The following CTNNA3 variants were observed in gnomAD, a reference collection of about 807,000 sequenced individuals.
The protein encoded by CTNNA3 is catenin alpha 3.
CTNNA3 carries 76 observed loss-of-function variants against 95.7 expected under a neutral mutation model. The observed-to-expected ratio is 0.79, with a 90% confidence interval of 0.66 to 0.96. The LOEUF (loss-of-function observed/expected upper bound fraction) is 0.96. CTNNA3 is among the 40% of genes least tolerant of loss of function. The pLI is 0.00. For synonymous variants in CTNNA3, 431 were observed against 374.4 expected, an observed-to-expected ratio of 1.15 and a Z score of -1.74; for missense variants, 1,191 against 1,089.8, an observed-to-expected ratio of 1.09 and a Z score of -1.31.
chr10:66,992,391 T>G (rs190939728), intron 7 of CTNNA3, among the ~76,000 whole-genome samples: 1 of 152,238 alleles, frequency 6.6e-6, no homozygotes, highest in East Asian at 1.9e-4. Flanking sequence ...CTTTTCCTAT[T>G]ATTCTTCCTC....
intron 7 of CTNNA3, among the ~76,000 whole-genome samples, chr10:67,142,259 T>C (rs1160787422): frequency 6.6e-6 from 1 of 152,196 alleles, no homozygotes; most frequent in Non-Finnish European, 1.5e-5. Flanking sequence ...TTTTAGAAAG[T>C]AGAACATAGT....
At chr10:67,729,896 TA>T (rs944105731) in intron 1 of CTNNA3, among the ~76,000 whole-genome samples, 3 of 152,004 alleles carry the variant, frequency 2.0e-5, no homozygotes, top group Non-Finnish European at 2.9e-5. Context: ...TATGTAAAAA[TA>T]AAAAATAATG....
At position 67,291,249 on chromosome 10, in the gene CTNNA3, C is replaced by G. The variant is rs12573447; in HGVS notation, c.580-71379G>C. On this transcript the variant is annotated intron_variant, in intron 5 of 17. Coordinates refer to ENST00000433211, the MANE Select transcript of CTNNA3 (RefSeq NM_013266.4). Reference sequence around the variant, plus strand: ...GCTTGGGACGTGGTGAGCTCCCAAACTATGCTAGCTATGGTAAATAAAAAT... The same window carrying G: ...GCTTGGGACGTGGTGAGCTCCCAAAGTATGCTAGCTATGGTAAATAAAAAT... Among the ~76,000 whole-genome samples, 4 of 152,038 alleles carry G rather than the reference C, an allele frequency of 2.6e-5. No homozygotes were observed. In the East Asian group the frequency reaches 7.7e-4, roughly 29 times the overall value.
intron 11 of CTNNA3, among the ~76,000 whole-genome samples, chr10:66,452,214 A>G (rs2093469023): frequency 6.6e-6 from 1 of 152,172 alleles, no homozygotes; most frequent in African/African-American, 2.4e-5. Flanking sequence ...TGCAATTGGC[A>G]TTCTTTATAT....
chr10:67,666,937 A>G (rs965942420), intron 1 of CTNNA3, among the ~76,000 whole-genome samples: 1 of 152,166 alleles, frequency 6.6e-6, no homozygotes, highest in African/African-American at 2.4e-5. Flanking sequence ...ATCATCAGAA[A>G]GACTTCCCAC....
intron 7 of CTNNA3, among the ~76,000 whole-genome samples, chr10:66,782,357 C>T (rs1840569801): frequency 6.6e-6 from 1 of 152,092 alleles, no homozygotes; most frequent in Non-Finnish European, 1.5e-5. Flanking sequence ...TTTCCCTGTG[C>T]TTTTTCAAAC....
intron 9 of CTNNA3, among the ~76,000 whole-genome samples, chr10:66,682,447 T>G (rs4990413): frequency 0.55 from 83,526 of 151,206 alleles, 23,757 homozygotes; most frequent in African/African-American, 0.68. Flanking sequence ...GGCTACAGAT[T>G]AAAATATGGA....
At chr10:66,038,048 T>C (rs1307819295) in intron 15 of CTNNA3, among the ~76,000 whole-genome samples, 1 of 152,184 alleles carries the variant, frequency 6.6e-6, no homozygotes, top group Non-Finnish European at 1.5e-5. Flanking sequence ...AAAAATAACA[T>C]CATTGTCTGT....
intron 9 of CTNNA3, among the ~76,000 whole-genome samples, chr10:66,695,243 T>C (rs1254856047): frequency 6.6e-6 from 1 of 152,162 alleles, no homozygotes; most frequent in African/African-American, 2.4e-5. Context: ...ACAGGCATGT[T>C]TGCCTCCTGA....
chr10:66,502,865 T>C (rs1048864864), intron 11 of CTNNA3, among the ~76,000 whole-genome samples: 2 of 152,210 alleles, frequency 1.3e-5, no homozygotes, highest in African/African-American at 4.8e-5. Context: ...TTCACTGAGA[T>C]TGTAACAATT....
intron 7 of CTNNA3, among the ~76,000 whole-genome samples, chr10:67,133,328 T>TATATATATATATGC: frequency 9.5e-6 from 1 of 105,356 alleles, no homozygotes; most frequent in Admixed American, 1.0e-4. Context: ...TATATATTTA[T>TATATATATATATGC]ACACACACAC....
rs1198250805 is a variant in CTNNA3 at position 67,141,696 on chromosome 10, A to T, written c.1047+38621T>A. 2.6e-5 allele frequency among the ~76,000 whole-genome samples: 4 copies of T among 152,202 alleles called. No individual in the cohort carries two copies. In the East Asian group the frequency reaches 7.7e-4, roughly 29 times the overall value. ...AGCAGCTATTTTCTTTCTATGGAACATTCACCAAAAATATAAATGCAGCTG... is the reference window on the plus strand; with the variant it reads ...AGCAGCTATTTTCTTTCTATGGAACTTTCACCAAAAATATAAATGCAGCTG... On this transcript the variant is annotated intron_variant, in intron 7 of 17. Coordinates refer to ENST00000433211, the MANE Select transcript of CTNNA3 (RefSeq NM_013266.4).
At chr10:66,632,023 A>T (rs1311705628) in intron 9 of CTNNA3, among the ~76,000 whole-genome samples, 1 of 152,078 alleles carries the variant, frequency 6.6e-6, no homozygotes, top group Admixed American at 6.6e-5. Flanking sequence ...AATAAGCACA[A>T]TTATAGATAT....
At position 66,480,474 on chromosome 10, in the gene CTNNA3, C is replaced by T. The variant is rs115622848; in HGVS notation, c.1531+40143G>A. ...TTATTCATTCACTTATTTAACTAGTCATTTATTCTTTCGACAAATAGGCAC... is the reference window on the plus strand; with the variant it reads ...TTATTCATTCACTTATTTAACTAGTTATTTATTCTTTCGACAAATAGGCAC... On this transcript the variant is annotated intron_variant, in intron 11 of 17. Transcript: ENST00000433211. Among the ~76,000 whole-genome samples, 603 of 152,226 alleles carry T rather than the reference C, an allele frequency of 4.0e-3. 7 individuals carry two copies. The highest frequency in any genetic ancestry group is 0.014 in the African/African-American group (590 of 41,546).
At chr10:66,301,220 A>T (rs1589052848) in intron 12 of CTNNA3, among the ~76,000 whole-genome samples, 1 of 152,028 alleles carries the variant, frequency 6.6e-6, no homozygotes, top group African/African-American at 2.4e-5. Flanking sequence ...GACCAGATAG[A>T]CTCACTGGTT....
At chr10:65,968,879 G>T (rs2078034804) in intron 16 of CTNNA3, among the ~76,000 whole-genome samples, 1 of 152,166 alleles carries the variant, frequency 6.6e-6, no homozygotes, top group African/African-American at 2.4e-5. Context: ...TTATGCTTCA[G>T]CACCGGTGCT....
rs569720040 is a variant in CTNNA3, at chr10:67,388,911, C to T, written c.579+132931G>A. Among the ~76,000 whole-genome samples, 412 of 151,616 alleles carry T rather than the reference C, an allele frequency of 2.7e-3. 2 individuals carry two copies. The highest frequency in any genetic ancestry group is 9.7e-3 in the African/African-American group (401 of 41,378). On this transcript the variant is annotated intron_variant, in intron 5 of 17. Transcript: ENST00000433211. The stretch of plus-strand genomic sequence containing the variant: ...GCCTTACAAGAGCTCCTGAAGGAAG[C>T]GCTAAACATGGAAAGGAACAACCAG...
At chr10:66,716,787 T>C (rs1355171637) in intron 9 of CTNNA3, among the ~76,000 whole-genome samples, 1 of 152,150 alleles carries the variant, frequency 6.6e-6, no homozygotes, top group Non-Finnish European at 1.5e-5. Context: ...TTTCAATATA[T>C]CTTGGAGTTG....
At chr10:67,054,085 AAAGT>A (rs1272164001) in intron 7 of CTNNA3, among the ~76,000 whole-genome samples, 3 of 152,188 alleles carry the variant, frequency 2.0e-5, no homozygotes, top group Admixed American at 6.5e-5. Context: ...TACCGTTTCA[AAAGT>A]AAGCAGCTTA....
Sources: allele counts gnomAD v4.1 joint callset (sites outside exome capture counted in the v4.1 genomes callset), GRCh38; gene constraint gnomAD v4.1.1; transcripts MANE v1.5; gene names NCBI Gene and HGNC (gene_info 2026-07-23, HGNC 2026-07-21).